MSI2: variants seen among roughly 807,000 people sequenced by gnomAD.
MSI2 encodes musashi RNA binding protein 2, also known as RNA-binding protein Musashi homolog 2.
A neutral mutation model predicts 45.6 loss-of-function variants in MSI2; 17 were observed. That is an observed-to-expected ratio of 0.37 (90% CI 0.26 to 0.56). The LOEUF is 0.56. MSI2 is among the 20% of genes least tolerant of loss of function. The pLI is 0.77. For synonymous variants in MSI2, 156 were observed against 158.2 expected (o/e 0.99, Z 0.11); for missense variants, 293 against 444.2 (o/e 0.66, Z 3.06).
rs1357643473 is a variant in MSI2, at chr17:57,282,818, G to C, written c.312+20626G>C. On this transcript the variant is annotated intron_variant, in intron 5 of 13. Transcript: ENST00000284073. Reference sequence around the variant, plus strand: ...TTTACTTTATGCTTGGGCTGGGGTTGGGGGGTGGGGGGCAGACTTTTTTTT... The same window carrying C: ...TTTACTTTATGCTTGGGCTGGGGTTCGGGGGTGGGGGGCAGACTTTTTTTT... Among the ~76,000 whole-genome samples the C allele has an allele frequency of 2.0e-5, 3 of 148,248 alleles. No individual in the cohort carries two copies. In the Admixed American group the frequency reaches 2.0e-4, roughly 10 times the overall value.
At chr17:57,271,534 T>C (rs1304903068) in intron 5 of MSI2, among the ~76,000 whole-genome samples, 1 of 151,912 alleles carries the variant, frequency 6.6e-6, no homozygotes, top group Non-Finnish European at 1.5e-5. Context: ...GGGGAGAGAG[T>C]GCTTCAGAAG....
Position 57,596,265 on chromosome 17 carries a change from G to A in MSI2, c.455-603G>A, listed in dbSNP as rs1905238621. Among the ~76,000 whole-genome samples, 1 of 152,244 alleles carries A rather than the reference G, an allele frequency of 6.6e-6. No individual in the cohort carries two copies. The highest frequency in any genetic ancestry group is 2.1e-4 in the South Asian group (1 of 4,830). ...ACATACAGTGGATAGCTGACGGGCT[G>A]ACAGCAGGCATCAAACAGTCTTAAA... On this transcript the variant is annotated intron_variant, in intron 7 of 13. Coordinates refer to ENST00000284073, the MANE Select transcript of MSI2 (RefSeq NM_138962.4). The surrounding 1 kb of genome is among the most constrained non-coding windows in gnomAD (Gnocchi z 4.6).
chr17:57,460,223 C>G (rs181913113), intron 6 of MSI2, among the ~76,000 whole-genome samples: 1 of 152,128 alleles, frequency 6.6e-6, no homozygotes, highest in South Asian at 2.1e-4. Context: ...ACTTGGGAAG[C>G]TGAGGCAGGA....
chr17:57,256,848 C>G (rs1175057543), intron 1 of MSI2, 44 bp downstream of exon 1: 7 of 1,396,462 alleles, frequency 5.0e-6, no homozygotes. Flanking sequence ...TGGGCTCGCT[C>G]TCCTTGCAGC....
chr17:57,374,730 G>GATT (rs1217635879), intron 5 of MSI2, among the ~76,000 whole-genome samples: 1 of 152,174 alleles, frequency 6.6e-6, no homozygotes, highest in African/African-American at 2.4e-5. Context: ...AGTAAGTCGA[G>GATT]ATTATGCCAC....
intron 6 of MSI2, among the ~76,000 whole-genome samples, chr17:57,526,148 C>T (rs952083934): frequency 6.6e-6 from 1 of 152,072 alleles, no homozygotes; most frequent in African/African-American, 2.4e-5. Context: ...TCACTTGAAC[C>T]CAGGAGGCGG....
chr17:57,274,278 T>C, intron 5 of MSI2: 1 of 152,252 alleles, frequency 6.6e-6, no homozygotes, highest in East Asian at 1.9e-4. Context: ...GTGTTCTAGC[T>C]GAGCGTTTAA....
At chr17:57,433,445 C>T (rs2084636373) in intron 6 of MSI2, among the ~76,000 whole-genome samples, 1 of 152,112 alleles carries the variant, frequency 6.6e-6, no homozygotes, top group Non-Finnish European at 1.5e-5. Flanking sequence ...AGCCATGGGA[C>T]ACCAAGGATT....
At chr17:57,339,619 C>T (rs1342038972) in intron 5 of MSI2, among the ~76,000 whole-genome samples, 1 of 152,122 alleles carries the variant, frequency 6.6e-6, no homozygotes, top group Non-Finnish European at 1.5e-5. Context: ...GTTTCACACC[C>T]TGCCATGATG....
chr17:57,388,173 A>G (rs761099764), intron 5 of MSI2, among the ~76,000 whole-genome samples: 1 of 152,216 alleles, frequency 6.6e-6, no homozygotes, highest in Admixed American at 6.5e-5. Flanking sequence ...GACATTCAAT[A>G]AAAGGCAGAG....
intron 5 of MSI2, among the ~76,000 whole-genome samples, chr17:57,271,730 C>T (rs780935775): frequency 4.1e-5 from 6 of 144,934 alleles, no homozygotes; most frequent in African/African-American, 7.8e-5. Context: ...GCAAAATAGA[C>T]GGGCCACTGC....
intron 5 of MSI2, among the ~76,000 whole-genome samples, chr17:57,378,961 A>T (rs2083550199): frequency 6.6e-6 from 1 of 152,070 alleles, no homozygotes; most frequent in African/African-American, 2.4e-5. Flanking sequence ...AGTTTGTGTT[A>T]TATGTGAGCC....
chr17:57,467,992 T>C (rs1046097396), intron 6 of MSI2, among the ~76,000 whole-genome samples: 1 of 151,600 alleles, frequency 6.6e-6, no homozygotes, highest in African/African-American at 2.4e-5. Flanking sequence ...GGTCACCTCC[T>C]TGGCTGTGTG....
At chr17:57,325,690 C>T (rs1051268480) in intron 5 of MSI2, among the ~76,000 whole-genome samples, 8 of 152,214 alleles carry the variant, frequency 5.3e-5, no homozygotes, top group African/African-American at 1.9e-4. Flanking sequence ...CCACCTCCAG[C>T]TGGCCACCTC....
chr17:57,542,205 T>C (rs2087064526), intron 7 of MSI2, among the ~76,000 whole-genome samples: 1 of 151,874 alleles, frequency 6.6e-6, no homozygotes, highest in African/African-American at 2.4e-5. Context: ...ACCCAAGGAG[T>C]CCGTCGGAAA....
chr17:57,479,728 AC>A (rs1219896120), intron 6 of MSI2, among the ~76,000 whole-genome samples: 1 of 152,170 alleles, frequency 6.6e-6, no homozygotes, highest in Non-Finnish European at 1.5e-5. Context: ...TGTCACCTGG[AC>A]AGCAAGGTTC....
chr17:57,412,953 T>C (rs1661202093), intron 6 of MSI2, among the ~76,000 whole-genome samples: 1 of 152,228 alleles, frequency 6.6e-6, no homozygotes, highest in Admixed American at 6.5e-5. Flanking sequence ...CTTTAACCCA[T>C]AGGGTTGTCA....
chr17:57,592,199 T>A (rs78774605), intron 7 of MSI2, among the ~76,000 whole-genome samples: 1,865 of 151,054 alleles, frequency 0.012, 43 homozygotes, highest in African/African-American at 0.043. Flanking sequence ...CTAAGATGGT[T>A]AATTTTATGT....
At chr17:57,423,593 T>A (rs1379543768) in intron 6 of MSI2, among the ~76,000 whole-genome samples, 2 of 152,238 alleles carry the variant, frequency 1.3e-5, no homozygotes, top group Non-Finnish European at 2.9e-5. Context: ...ACATCCCAAG[T>A]TGCCCAAAGT....
Sources: allele counts gnomAD v4.1 joint callset (sites outside exome capture counted in the v4.1 genomes callset), GRCh38; gene constraint gnomAD v4.1.1; non-coding constraint Gnocchi (gnomAD v3.1); transcripts MANE v1.5; gene names NCBI Gene and HGNC (gene_info 2026-07-23, HGNC 2026-07-21).